BBS9: variants seen among roughly 807,000 people sequenced by gnomAD.
BBS9 encodes the protein Bardet-Biedl syndrome 9, also known as protein PTHB1.
Under a neutral mutation model 117.7 loss-of-function variants are expected in BBS9, and 89 were observed. The observed-to-expected ratio is 0.76, with a 90% CI of 0.64 to 0.90. The LOEUF is 0.90. Among genes scored for constraint, BBS9 ranks in the 40% least tolerant of loss-of-function variants. The pLI is 0.00. For synonymous variants in BBS9, 379 were observed against 370.9 expected, an observed-to-expected ratio of 1.02 and a Z score of -0.25; for missense variants, 982 against 1,042.2, an observed-to-expected ratio of 0.94 and a Z score of 0.80.
At chr7:33,598,252 T>C (rs1026196355) in intron 21 of BBS9, among the ~76,000 whole-genome samples, 1 of 151,806 alleles carries the variant, frequency 6.6e-6, no homozygotes, top group African/African-American at 2.4e-5. Flanking sequence ...AAACCTTCTT[T>C]AAAAAAATTT....
chr7:33,349,347 T>A (rs1224766936), intron 13 of BBS9, 177 bp downstream of exon 13: 1 of 643,322 alleles, frequency 1.6e-6, no homozygotes, highest in East Asian at 3.1e-5. Context: ...GAACGTTCAA[T>A]CAATGATTGT....
At chr7:33,349,280 G>A (rs186572685) in intron 13 of BBS9, 110 bp downstream of exon 13, 34 of 801,830 alleles carry the variant, frequency 4.2e-5, no homozygotes, top group Admixed American at 2.1e-4. Context: ...GATTGGGATC[G>A]TCCCAAAATC....
intron 21 of BBS9, among the ~76,000 whole-genome samples, chr7:33,572,521 G>A (rs1020805580): frequency 2.0e-5 from 3 of 152,096 alleles, no homozygotes; most frequent in South Asian, 2.1e-4. Context: ...CCTCCATACC[G>A]TTTTCCATAG....
At chr7:33,239,589 C>G (rs907051102) in intron 5 of BBS9, among the ~76,000 whole-genome samples, 1 of 152,042 alleles carries the variant, frequency 6.6e-6, no homozygotes, top group Non-Finnish European at 1.5e-5. Flanking sequence ...CCTAATCATA[C>G]AGATGTTTTA....
chr7:33,489,516 A>G (rs1416734751), intron 19 of BBS9, among the ~76,000 whole-genome samples: 1 of 151,996 alleles, frequency 6.6e-6, no homozygotes, highest in African/African-American at 2.4e-5. Context: ...CATATCGGTA[A>G]ACTAAGAGGA....
intron 5 of BBS9, among the ~76,000 whole-genome samples, chr7:33,203,050 G>A (rs1786183550): frequency 6.6e-6 from 1 of 152,162 alleles, no homozygotes; most frequent in Non-Finnish European, 1.5e-5. Context: ...TGGGTCATAT[G>A]CTAATTCTGG....
chr7:33,146,060 C>T (rs1792294050), intron 1 of BBS9, among the ~76,000 whole-genome samples, 182 bp from the exon 2 acceptor site: 1 of 152,134 alleles, frequency 6.6e-6, no homozygotes, highest in South Asian at 2.1e-4. Context: ...AACGGTGTTG[C>T]AAAATATCTG....
chr7:33,404,624 C>A (rs1394928641), intron 19 of BBS9, among the ~76,000 whole-genome samples: 1 of 150,138 alleles, frequency 6.7e-6, no homozygotes, highest in Admixed American at 6.6e-5. Flanking sequence ...TGTGAGTTCA[C>A]TCATGATTTG....
chr7:33,464,145 G>A (rs1334535441), intron 19 of BBS9, among the ~76,000 whole-genome samples: 3 of 151,962 alleles, frequency 2.0e-5, no homozygotes, highest in Admixed American at 2.0e-4. Flanking sequence ...TTGGTTAATA[G>A]GATTGCTTAA....
chr7:33,515,700 A>G (rs1847655191), intron 20 of BBS9, among the ~76,000 whole-genome samples: 1 of 152,206 alleles, frequency 6.6e-6, no homozygotes, highest in South Asian at 2.1e-4. Context: ...GCTTAGTTGT[A>G]TTGCTTGACC....
At chr7:33,161,769 C>T (rs1794891519) in intron 4 of BBS9, among the ~76,000 whole-genome samples, 1 of 152,178 alleles carries the variant, frequency 6.6e-6, no homozygotes, top group Non-Finnish European at 1.5e-5. Context: ...TCTCCTCATC[C>T]TCTCCAGCAT....
chr7:33,148,661 C>CT (rs1792803978), intron 2 of BBS9, among the ~76,000 whole-genome samples: 1 of 145,310 alleles, frequency 6.9e-6, no homozygotes, highest in African/African-American at 2.6e-5. Flanking sequence ...CTGCACCTGG[C>CT]CTTTTTTTTT....
rs118074478 is a variant in BBS9 at position 33,358,585 on chromosome 7, A to G, written c.1693+590A>G. ...TAATTTGTGATGGTATGACTTGGAGAGAAGTGTCAGTTTTTCTTTCTGAGT... is the reference window on the plus strand; with the variant it reads ...TAATTTGTGATGGTATGACTTGGAGGGAAGTGTCAGTTTTTCTTTCTGAGT... On this transcript the variant is annotated intron_variant, in intron 16 of 22. Coordinates refer to ENST00000242067, the MANE Select transcript of BBS9 (RefSeq NM_198428.3). Among the ~76,000 whole-genome samples, 65 of 152,004 alleles carry G rather than the reference A, an allele frequency of 4.3e-4. No individual in the cohort carries two copies. In the East Asian group the frequency reaches 0.012, roughly 29 times the overall value.
At chr7:33,535,269 T>A (rs1344675450) in intron 21 of BBS9, among the ~76,000 whole-genome samples, 1 of 152,176 alleles carries the variant, frequency 6.6e-6, no homozygotes, top group African/African-American at 2.4e-5. Context: ...ACGCTTGCCC[T>A]GCCGCTGGGG....
chr7:33,544,208 G>A (rs1028836174), intron 21 of BBS9, among the ~76,000 whole-genome samples: 2 of 152,082 alleles, frequency 1.3e-5, no homozygotes, highest in Non-Finnish European at 2.9e-5. Context: ...GGTAAATCAG[G>A]GATTTCTTCT....
chr7:33,306,147 T>C (rs1487680243), intron 9 of BBS9, among the ~76,000 whole-genome samples: 1 of 152,144 alleles, frequency 6.6e-6, no homozygotes, highest in African/African-American at 2.4e-5. Flanking sequence ...ATTTCTTCAT[T>C]GACCCACTCT....
chr7:33,619,196 G>A (rs780137888), intron 21 of BBS9, among the ~76,000 whole-genome samples: 1 of 152,004 alleles, frequency 6.6e-6, no homozygotes, highest in African/African-American at 2.4e-5. Flanking sequence ...AAGAGAGCAG[G>A]GGTGTCTATA....
rs184082332 is a variant in BBS9, at chr7:33,345,768, C to T, written c.1329+1134C>T. Among the ~76,000 whole-genome samples the T allele has an allele frequency of 9.7e-4, 148 of 152,280 alleles. 1 individual carries two copies. The Middle Eastern group carries it at 0.01, about 10-fold the overall frequency. On this transcript the variant is annotated intron_variant, in intron 12 of 22. Transcript: ENST00000242067. ...TGATTTGTACTTTTGTATAGGGACA[C>T]CTCTTTTAAATCTATCTACTGATAA...
chr7:33,635,399 G>A (rs1291421131), exon 22 of BBS9, among the ~76,000 whole-genome samples: 1 of 152,164 alleles, frequency 6.6e-6, no homozygotes, highest in Non-Finnish European at 1.5e-5. Flanking sequence ...AGAAAGAGGA[G>A]CCCAGAGCCG....
Sources: gnomAD v4.1 joint callset for allele counts (sites outside exome capture counted in the v4.1 genomes callset) on GRCh38, gnomAD v4.1.1 for gene constraint, MANE v1.5 for transcripts, NCBI Gene and HGNC (gene_info 2026-07-23, HGNC 2026-07-21) for gene names.